RARB: variants seen among roughly 807,000 people sequenced by gnomAD.
RARB encodes the protein retinoic acid receptor beta, also known as HBV-activated protein.
In RARB, 17 loss-of-function variants were observed where a neutral mutation model predicts 51.9. That is an observed-to-expected ratio of 0.33 (90% CI 0.22 to 0.49). RARB has a LOEUF of 0.49. RARB is among the 20% of genes least tolerant of loss of function. The pLI, the probability that RARB is intolerant of heterozygous loss-of-function variation, is 0.99. For synonymous variants in RARB, 215 were observed against 195.4 expected, an observed-to-expected ratio of 1.10 and a Z score of -0.84; for missense variants, 369 against 550.8, an observed-to-expected ratio of 0.67 and a Z score of 3.30.
chr3:25,356,613 C>A (rs557807363), intron 5 of RARB, among the ~76,000 whole-genome samples: 1 of 151,948 alleles, frequency 6.6e-6, no homozygotes, highest in East Asian at 1.9e-4. Context: ...TTGCTGCACC[C>A]ATCAACCCAT....
chr3:25,441,781 G>T (rs1354606981), intron 1 of RARB, among the ~76,000 whole-genome samples: 1 of 152,038 alleles, frequency 6.6e-6, no homozygotes. Context: ...GCATATGTTT[G>T]TTTTGTTTTG....
At chr3:25,471,802 C>T (rs1478441632) in intron 2 of RARB, among the ~76,000 whole-genome samples, 1 of 152,084 alleles carries the variant, frequency 6.6e-6, no homozygotes, top group African/African-American at 2.4e-5. Context: ...TTGCAATTAT[C>T]CTCTTTGTTT....
intron 2 of RARB, among the ~76,000 whole-genome samples, chr3:24,866,532 C>G (rs981147496): frequency 1.3e-5 from 2 of 151,984 alleles, no homozygotes; most frequent in African/African-American, 4.8e-5. Flanking sequence ...AAATAGGCTT[C>G]GTGGGGGGAA....
At chr3:25,031,667 G>T (rs1041096684) in intron 2 of RARB, among the ~76,000 whole-genome samples, 6 of 152,094 alleles carry the variant, frequency 3.9e-5, no homozygotes, top group Non-Finnish European at 7.4e-5. Flanking sequence ...CAAGCACTTG[G>T]GGTAGTGACC....
intron 2 of RARB, among the ~76,000 whole-genome samples, chr3:24,938,993 T>TTG (rs1559403953): frequency 0.013 from 1,265 of 101,170 alleles, 21 homozygotes; most frequent in East Asian, 0.11. Context: ...TGTTGTTGTT[T>TTG]TTTTTTTTAG....
intron 1 of RARB, among the ~76,000 whole-genome samples, chr3:25,458,969 T>C (rs1164540688): frequency 6.6e-6 from 1 of 152,238 alleles, no homozygotes; most frequent in Middle Eastern, 3.2e-3. Flanking sequence ...ATTTATTGAT[T>C]ATCTGCCATG....
In RARB at chr3:25,210,317, A is replaced by T. The variant is rs564097443; in HGVS notation, c.178+35742A>T. ...AGTGCTAGGCATATAAATAAAATTT[A>T]TAGGTTAGGAGTATCATCTTGACCA... is the stretch of plus-strand genomic sequence containing the variant. On this transcript the variant is annotated intron_variant, in intron 5 of 11. Transcript: ENST00000383772. Among the ~76,000 whole-genome samples, 5 of 152,176 alleles carry T rather than the reference A, an allele frequency of 3.3e-5. No individual in the cohort carries two copies. The South Asian group carries it at 1.0e-3, about 32-fold the overall frequency.
chr3:24,907,805 C>A (rs953064711), intron 2 of RARB, among the ~76,000 whole-genome samples: 2 of 151,872 alleles, frequency 1.3e-5, no homozygotes, highest in African/African-American at 4.8e-5. Flanking sequence ...AGCAGCATTT[C>A]TCCATACCTT....
chr3:25,268,506 G>A (rs4681014), intron 5 of RARB, among the ~76,000 whole-genome samples: 11 of 152,042 alleles, frequency 7.2e-5, no homozygotes, highest in African/African-American at 2.7e-4. Flanking sequence ...GTCCTCACCA[G>A]AGTTTAGCAT....
chr3:25,021,132 A>G (rs369199381), intron 2 of RARB, among the ~76,000 whole-genome samples: 214 of 152,352 alleles, frequency 1.4e-3, no homozygotes, highest in African/African-American at 5.0e-3. Context: ...TAAAAGATCT[A>G]TGTGAAGGAT....
At chr3:25,244,643 G>C (rs964248524) in intron 5 of RARB, among the ~76,000 whole-genome samples, 2 of 152,158 alleles carry the variant, frequency 1.3e-5, no homozygotes, top group Non-Finnish European at 2.9e-5. Context: ...TCTTAATCCT[G>C]AGTTCTAATT....
At chr3:25,588,274 G>A (rs1442534222) in intron 5 of RARB, among the ~76,000 whole-genome samples, 1 of 152,252 alleles carries the variant, frequency 6.6e-6, no homozygotes, top group Non-Finnish European at 1.5e-5. Flanking sequence ...TATTCTGTAT[G>A]ATTCCATTGA....
intron 5 of RARB, among the ~76,000 whole-genome samples, chr3:25,416,729 G>C (rs1193695746): frequency 6.6e-6 from 1 of 152,192 alleles, no homozygotes. Context: ...GGCTGGATTT[G>C]GCCTTTGGAG....
At chr3:25,326,119 G>A (rs1275369570) in intron 5 of RARB, among the ~76,000 whole-genome samples, 1 of 152,200 alleles carries the variant, frequency 6.6e-6, no homozygotes, top group Non-Finnish European at 1.5e-5. Context: ...AAAGAAAGGG[G>A]ATTGTCCCCT....
intron 4 of RARB, among the ~76,000 whole-genome samples, chr3:25,173,324 C>T (rs1700678311): frequency 6.6e-6 from 1 of 152,152 alleles, no homozygotes; most frequent in Admixed American, 6.5e-5. Flanking sequence ...CATTAGTGTT[C>T]TTTGGCACTG....
chr3:24,949,694 A>G (rs1695849112), intron 2 of RARB, among the ~76,000 whole-genome samples: 1 of 152,228 alleles, frequency 6.6e-6, no homozygotes, highest in African/African-American at 2.4e-5. Flanking sequence ...AAATGCATTC[A>G]GATCTTAGCA....
At chr3:25,355,037 C>CTGGG (rs1705691429) in intron 5 of RARB, among the ~76,000 whole-genome samples, 1 of 152,094 alleles carries the variant, frequency 6.6e-6, no homozygotes, top group Non-Finnish European at 1.5e-5. Context: ...TAGCACCTTG[C>CTGGG]TGGGTCTACA....
rs555505462 is a variant in RARB at position 24,997,549 on chromosome 3, G to A, written c.-379-62576G>A. Reference sequence around the variant, plus strand: ...TCTTATTGTTTATTTTTGCAGTTGGGTGGTTTTCTACAGTTATAAGGGTTG... The same window carrying A: ...TCTTATTGTTTATTTTTGCAGTTGGATGGTTTTCTACAGTTATAAGGGTTG... On this transcript the variant is annotated intron_variant, in intron 2 of 11. Transcript: ENST00000383772. 4.6e-5 allele frequency among the ~76,000 whole-genome samples: 7 copies of A among 152,006 alleles called. No individual in the cohort carries two copies. The South Asian group carries it at 1.0e-3, about 23-fold the overall frequency.
chr3:25,343,961 G>A (rs1467350280), intron 5 of RARB, among the ~76,000 whole-genome samples: 1 of 152,168 alleles, frequency 6.6e-6, no homozygotes, highest in African/African-American at 2.4e-5. Context: ...TGACAGGAAA[G>A]TGTAGTTTGA....
Sources: allele counts gnomAD v4.1 joint callset (sites outside exome capture counted in the v4.1 genomes callset), GRCh38; gene constraint gnomAD v4.1.1; transcripts MANE v1.5; gene names NCBI Gene and HGNC (gene_info 2026-07-23, HGNC 2026-07-21).